The following KCNQ2 variants were observed in gnomAD, a reference collection of about 807,000 sequenced individuals.
KCNQ2 encodes the protein potassium voltage-gated channel subfamily Q member 2.
In KCNQ2, 14 loss-of-function variants were observed where a neutral mutation model predicts 84.8. The ratio of observed to expected loss-of-function variants is 0.17; its 90% CI spans 0.11 to 0.26. The LOEUF (loss-of-function observed/expected upper bound fraction) is 0.26, where lower values mean the gene tolerates loss of function less well. Among genes scored for constraint, KCNQ2 ranks in the 10% least tolerant of loss-of-function variants. The pLI, the probability that KCNQ2 is intolerant of heterozygous loss-of-function variation, is 1.00. For synonymous variants in KCNQ2, 599 were observed against 554.1 expected, an observed-to-expected ratio of 1.08 and a Z score of -1.14; for missense variants, 788 against 1,254.0, an observed-to-expected ratio of 0.63 and a Z score of 5.61.
rs767942123 is a variant in KCNQ2, at chr20:63,406,600, G to A, written c.*44C>T. ...CCCGCCTCAAAACCTCGGAGGCACC[G>A]TGCTGAGGAGGGCCGCGGGCGGGTC... On this transcript the variant is annotated 3_prime_UTR_variant, in exon 17 of 17. Transcript: ENST00000359125. 72 of 1,553,204 alleles carry A rather than the reference G, an allele frequency of 4.6e-5. No individual in the cohort carries two copies. The Middle Eastern group carries it at 5.6e-4, about 12-fold the overall frequency.
chr20:63,423,670 CAGAG>C (rs1165399471), intron 11 of KCNQ2: 6 of 155,064 alleles, frequency 3.9e-5, no homozygotes, highest in African/African-American at 1.4e-4. Context: ...GGGCGTGAGA[CAGAG>C]AGGATGTCCC....
At chr20:63,411,823 G>C (rs576304020) in intron 15 of KCNQ2, 8 of 692,506 alleles carry the variant, frequency 1.2e-5, no homozygotes, top group African/African-American at 1.1e-4. Flanking sequence ...GGGTCCTTTG[G>C]TGGGGTACTT....
rs1347840693 is a variant in KCNQ2, at chr20:63,442,538, G to C, written c.691-7C>G. 1.2e-6 allele frequency: 2 copies of C among 1,612,720 alleles called. No homozygotes were observed. Among genetic ancestry groups the C allele is most frequent in the East Asian group, 2.2e-5 (1 of 44,838 alleles). ...ACCAGGCAGTGACCAGCTCCTGAGA[G>C]GCAGACGGCACCACCATCATGACCA... On this transcript the variant is annotated splice_region_variant and splice_polypyrimidine_tract_variant and intron_variant, in intron 4 of 16. Transcript: ENST00000359125.
In KCNQ2 at chr20:63,404,596, C is replaced by T. The variant is rs2079884906; in HGVS notation, c.*2048G>A. 3.3e-5 allele frequency: 5 copies of T among 152,298 alleles called. No homozygotes were observed. The highest frequency in any genetic ancestry group is 2.0e-4 in the Admixed American group (3 of 15,284). The allele number at this position is 152,298 out of a possible 1,614,324, so 9.4% of individuals were successfully genotyped here. On this transcript the variant is annotated 3_prime_UTR_variant, in exon 17 of 17. Coordinates refer to ENST00000359125, the MANE Select transcript of KCNQ2 (RefSeq NM_172107.4). ...CGTTGGGTGGGACGCACTCATACCC[C>T]TGCCTGTGGGCCCCGCTATGGATTC...
intron 4 of KCNQ2, among the ~76,000 whole-genome samples, 164 bp from the exon 5 acceptor site, chr20:63,442,695 CCACCAT>C (rs1568933816): frequency 1.2e-5 from 1 of 86,656 alleles, no homozygotes; most frequent in Non-Finnish European, 2.5e-5. Flanking sequence ...ATCACCATCA[CCACCAT>C]CACCATCACC....
At chr20:63,463,894 C>T (rs998352008) in intron 1 of KCNQ2, 1 of 151,870 alleles carries the variant, frequency 6.6e-6, no homozygotes, top group African/African-American at 2.4e-5. Context: ...GCTGGGCAGC[C>T]TGGAGCCCAG....
At position 63,432,154 on chromosome 20, in the gene KCNQ2, C is replaced by A. The variant is rs187328380; in HGVS notation, c.1119-785G>T. On this transcript the variant is annotated intron_variant, in intron 8 of 16. Transcript: ENST00000359125. ...GAAGGATCCACCCACAGGGAAGGCC[C>A]CACCCTCAGGGAAGGCCACACCCAC... Among the ~76,000 whole-genome samples, 1,053 of 148,950 alleles carry A rather than the reference C, an allele frequency of 7.1e-3. 2 individuals carry two copies. Among genetic ancestry groups the A allele is most frequent in the Middle Eastern group, 0.015 (4 of 274 alleles).
rs2081063896 is a variant in KCNQ2, at chr20:63,438,325, G to C, written c.1023+300C>G. The C allele has an allele frequency of 2.0e-6, 1 of 511,214 alleles. No individual in the cohort carries two copies. The allele number at this position is 511,214 out of a possible 1,614,324, so 31.7% of individuals were successfully genotyped here. A position where few individuals can be genotyped will look rare whatever the true frequency, so the allele number is the denominator to read the frequency against. On this transcript the variant is annotated intron_variant, in intron 7 of 16. Transcript: ENST00000359125. This position sits in a 1 kb window ranked among gnomAD's most constrained non-coding sequence, Gnocchi z 5.1. Reference sequence around the variant, plus strand: ...GCCTTGGCCCTGCAGCTGCAGAACGGGTGTGCTCACCTCCCAGGGTGCGGT... The same window carrying C: ...GCCTTGGCCCTGCAGCTGCAGAACGCGTGTGCTCACCTCCCAGGGTGCGGT...
At chr20:63,427,364 G>A (rs913062603) in intron 10 of KCNQ2, among the ~76,000 whole-genome samples, 8 of 152,250 alleles carry the variant, frequency 5.3e-5, no homozygotes, top group Non-Finnish European at 8.8e-5. Context: ...TGGCTCACCC[G>A]GTTCTGATGT....
chr20:63,468,835 T>C (rs1018079556), intron 1 of KCNQ2, among the ~76,000 whole-genome samples: 1 of 151,088 alleles, frequency 6.6e-6, no homozygotes, highest in Non-Finnish European at 1.5e-5. Flanking sequence ...GATCAAGCAA[T>C]CTGCACCCCC....
chr20:63,434,217 C>T (rs901771543), intron 7 of KCNQ2: 4 of 406,490 alleles, frequency 9.8e-6, no homozygotes, highest in Admixed American at 4.3e-5. Flanking sequence ...TCTTACCTGG[C>T]CCCTGGCGGG....
rs1241692996 is a variant in KCNQ2 at position 63,446,043 on chromosome 20, T to G, written c.388-679A>C. 3.8e-6 allele frequency: 1 copy of G among 261,532 alleles called. No individual in the cohort carries two copies. 16.2% of individuals were successfully genotyped at this position (261,532 alleles called of 1,614,324 possible). On this transcript the variant is annotated intron_variant, in intron 2 of 16. Coordinates refer to ENST00000359125, the MANE Select transcript of KCNQ2 (RefSeq NM_172107.4). This position sits in a 1 kb window ranked among gnomAD's most constrained non-coding sequence, Gnocchi z 5.5. The stretch of plus-strand genomic sequence containing the variant: ...CTGAGCTGGTTGGGGAGCTGCCCTG[T>G]CCAAGCTGGGGGACTCTATCTGAGT...
At chr20:63,411,915 G>A (rs183646095) in intron 15 of KCNQ2, 34 of 712,932 alleles carry the variant, frequency 4.8e-5, no homozygotes, top group Middle Eastern at 2.3e-4. Context: ...AGACACCGGC[G>A]AAACGCATCG....
At chr20:63,467,984 A>T (rs886200294) in intron 1 of KCNQ2, among the ~76,000 whole-genome samples, 4 of 152,136 alleles carry the variant, frequency 2.6e-5, no homozygotes, top group African/African-American at 9.7e-5. Context: ...CTTATCCTTT[A>T]GCTCCTATCC....
chr20:63,439,981 C>T (rs961745947), intron 5 of KCNQ2, among the ~76,000 whole-genome samples: 1 of 152,254 alleles, frequency 6.6e-6, no homozygotes, highest in Non-Finnish European at 1.5e-5. Flanking sequence ...AGCGACGTGA[C>T]TCCCACGAGG....
chr20:63,462,884 T>G (rs900016817), intron 1 of KCNQ2, among the ~76,000 whole-genome samples: 2 of 151,042 alleles, frequency 1.3e-5, no homozygotes, highest in East Asian at 3.9e-4. Flanking sequence ...TGAAAAGAAG[T>G]GAGTGAACAC....
intron 15 of KCNQ2, chr20:63,410,996 C>CT (rs932650171): frequency 3.7e-5 from 17 of 456,418 alleles, no homozygotes; most frequent in African/African-American, 3.2e-4. Context: ...CTTGGAAAGT[C>CT]TGAGTTAATC....
chr20:63,424,230 T>A, intron 10 of KCNQ2, 24 bp from the exon 11 acceptor site: 2 of 1,552,236 alleles, frequency 1.3e-6, no homozygotes, highest in Non-Finnish European at 1.7e-6. Flanking sequence ...CAACAGAGAG[T>A]TAGTGGCCGC....
At chr20:63,427,865 T>C (rs745584773) in intron 10 of KCNQ2, among the ~76,000 whole-genome samples, 1 of 152,142 alleles carries the variant, frequency 6.6e-6, no homozygotes, top group African/African-American at 2.4e-5. Flanking sequence ...ATGGAACTGC[T>C]TGGGGACGGC....
Sources: allele counts gnomAD v4.1 joint callset (sites outside exome capture counted in the v4.1 genomes callset), GRCh38; gene constraint gnomAD v4.1.1; non-coding constraint Gnocchi (gnomAD v3.1); transcripts MANE v1.5; gene names NCBI Gene and HGNC (gene_info 2026-07-23, HGNC 2026-07-21).